Variants in EIF4EBP1 observed in about 807,000 individuals in gnomAD.
EIF4EBP1 encodes the protein eukaryotic translation initiation factor 4E binding protein 1.
EIF4EBP1 carries 5 observed loss-of-function variants against 9.2 expected under a neutral mutation model. The observed-to-expected ratio is 0.54, with a 90% CI of 0.28 to 1.14. EIF4EBP1 has a LOEUF of 1.14. EIF4EBP1 is among the 50% of genes most tolerant of loss of function. EIF4EBP1 has a pLI of 0.09. For synonymous variants in EIF4EBP1, 62 were observed against 67.0 expected, an observed-to-expected ratio of 0.93 and a Z score of 0.36; for missense variants, 139 against 169.6, an observed-to-expected ratio of 0.82 and a Z score of 1.00.
intron 1 of EIF4EBP1, among the ~76,000 whole-genome samples, chr8:38,037,474 C>T (rs1442735350): frequency 6.6e-6 from 1 of 152,082 alleles, no homozygotes; most frequent in Non-Finnish European, 1.5e-5. Flanking sequence ...CACCACCACA[C>T]CCAGCTAATT....
intron 1 of EIF4EBP1, among the ~76,000 whole-genome samples, chr8:38,045,300 T>C (rs1048301119): frequency 1.3e-5 from 2 of 152,110 alleles, no homozygotes; most frequent in Non-Finnish European, 2.9e-5. Flanking sequence ...TATTTGTACA[T>C]TAAGTACCTG....
chr8:38,059,581 G>A (rs915886909), intron 2 of EIF4EBP1, among the ~76,000 whole-genome samples: 5 of 151,762 alleles, frequency 3.3e-5, no homozygotes, highest in South Asian at 2.1e-4. Flanking sequence ...GCAAAACCCC[G>A]GGTCTACTAA....
chr8:38,045,090 ATG>A (rs1181754144), intron 1 of EIF4EBP1, among the ~76,000 whole-genome samples: 1 of 152,174 alleles, frequency 6.6e-6, no homozygotes, highest in Non-Finnish European at 1.5e-5. Context: ...AACAGCAATT[ATG>A]TGAGTGTCAC....
In EIF4EBP1 at chr8:38,037,358, C is replaced by A. The variant is rs572307737; in HGVS notation, c.145+6640C>A. ...TTGAGACTGAGTCTTGCTCTGTCGC[C>A]CAGGCTGGAGTGCAGTGGCATGATC... On this transcript the variant is annotated intron_variant, in intron 1 of 2. Transcript: ENST00000338825. Among the ~76,000 whole-genome samples, 5 of 152,112 alleles carry A rather than the reference C, an allele frequency of 3.3e-5. No homozygotes were observed. In the East Asian group the frequency reaches 9.7e-4, roughly 29 times the overall value.
At chr8:38,044,583 C>T (rs901380296) in intron 1 of EIF4EBP1, among the ~76,000 whole-genome samples, 6 of 152,134 alleles carry the variant, frequency 3.9e-5, no homozygotes, top group Non-Finnish European at 7.3e-5. Context: ...GGATCATAGG[C>T]GCACGCCATC....
chr8:38,030,610 C>T lies in EIF4EBP1; in HGVS notation c.37C>T (p.Arg13Trp), dbSNP rs990926340. The T allele has an allele frequency of 1.3e-5, 20 of 1,510,454 alleles. No homozygotes were observed. In the Admixed American group the frequency reaches 2.7e-4, roughly 20 times the overall value. 93.6% of individuals were successfully genotyped at this position (1,510,454 alleles called of 1,614,324 possible). Residue 13 changes from arginine to tryptophan, a missense_variant, in exon 1 of 3, where the codon CGG becomes TGG. Physicochemically the swap from Arg to Trp is moderately radical, Grantham distance 101. Transcript: ENST00000338825. ...CAGCAGCTGCAGCCAGACCCCAAGC[C>T]GGGCCATCCCCGCCACTCGCCGGGT... ...GGSSCSQTPS[R>W]AIPATRRVVL...
chr8:38,040,828 A>G (rs987424435), intron 1 of EIF4EBP1, among the ~76,000 whole-genome samples: 19 of 152,208 alleles, frequency 1.2e-4, no homozygotes, highest in African/African-American at 4.1e-4. Flanking sequence ...AGCAAGTCAC[A>G]GGGCCAGCCC....
At chr8:38,043,308 G>A (rs1163936546) in intron 1 of EIF4EBP1, among the ~76,000 whole-genome samples, 1 of 151,714 alleles carries the variant, frequency 6.6e-6, no homozygotes, top group African/African-American at 2.4e-5. Flanking sequence ...AATTAGCTCA[G>A]CTATTTTGTT....
At chr8:38,049,643 G>A (rs535309402) in intron 1 of EIF4EBP1, among the ~76,000 whole-genome samples, 20 of 151,802 alleles carry the variant, frequency 1.3e-4, no homozygotes, top group Admixed American at 2.6e-4. Context: ...CACCATGCCT[G>A]GCTAATTTTT....
intron 1 of EIF4EBP1, among the ~76,000 whole-genome samples, chr8:38,036,385 C>T (rs1235604688): frequency 3.9e-5 from 6 of 151,986 alleles, no homozygotes; most frequent in South Asian, 2.1e-4. Context: ...TGGTGGCAGG[C>T]GCCTGTAATC....
chr8:38,058,110 A>G (rs1809621909), intron 2 of EIF4EBP1, among the ~76,000 whole-genome samples: 1 of 152,282 alleles, frequency 6.6e-6, no homozygotes, highest in African/African-American at 2.4e-5. Context: ...ATTCATAATT[A>G]CCTTGGGAAC....
intron 2 of EIF4EBP1, among the ~76,000 whole-genome samples, chr8:38,057,602 A>G (rs1809616345): frequency 6.6e-6 from 1 of 152,204 alleles, no homozygotes. Context: ...AAGCATTTCC[A>G]CTTGGAACAC....
Position 38,043,519 on chromosome 8 carries a change from G to C in EIF4EBP1, c.145+12801G>C, listed in dbSNP as rs962287048. Among the ~76,000 whole-genome samples the C allele has an allele frequency of 5.3e-5, 8 of 151,890 alleles. No homozygotes were observed. In the East Asian group the frequency reaches 1.2e-3, roughly 22 times the overall value. Reference sequence around the variant, plus strand: ...AGCTGGGACCACCCGGCTAGTTTTTGTATTTTTAGTAGAGACAGAGTTTCA... The same window carrying C: ...AGCTGGGACCACCCGGCTAGTTTTTCTATTTTTAGTAGAGACAGAGTTTCA... On this transcript the variant is annotated intron_variant, in intron 1 of 2. Transcript: ENST00000338825.
At chr8:38,046,983 C>T (rs1277039417) in intron 1 of EIF4EBP1, among the ~76,000 whole-genome samples, 1 of 152,112 alleles carries the variant, frequency 6.6e-6, no homozygotes, top group African/African-American at 2.4e-5. Context: ...TCTGGGTTTC[C>T]CTGCTCTGCA....
intron 2 of EIF4EBP1, 77 bp downstream of exon 2, chr8:38,057,337 C>A: frequency 6.7e-7 from 1 of 1,489,980 alleles, no homozygotes; most frequent in Non-Finnish European, 9.0e-7. Context: ...CCACTGGGGG[C>A]AATTCCAGGG....
intron 1 of EIF4EBP1, among the ~76,000 whole-genome samples, chr8:38,039,367 A>C (rs985086237): frequency 7.3e-5 from 11 of 151,340 alleles, no homozygotes; most frequent in Admixed American, 4.6e-4. Context: ...GGGAAGGCTA[A>C]GCTATAATGT....
At chr8:38,052,405 C>T (rs935708029) in intron 1 of EIF4EBP1, among the ~76,000 whole-genome samples, 2 of 142,156 alleles carry the variant, frequency 1.4e-5, no homozygotes, top group South Asian at 2.1e-4. Flanking sequence ...GGACTCCAAG[C>T]GCATGCCACC....
Position 38,049,918 on chromosome 8 carries a change from C to CT in EIF4EBP1, c.146-7152dup, listed in dbSNP as rs33909903. Among the ~76,000 whole-genome samples, 122 of 145,498 alleles carry CT rather than the reference C, an allele frequency of 8.4e-4. 1 individual carries two copies. The East Asian group carries it at 0.013, about 16-fold the overall frequency. On this transcript the variant is annotated intron_variant, in intron 1 of 2. Coordinates refer to ENST00000338825, the MANE Select transcript of EIF4EBP1 (RefSeq NM_004095.4). Reference sequence around the variant, plus strand: ...CATCTCTTTGTCCTTTTTCTTTTTTCTTTTTTTTTTTGAGATGGAATGTTT... The same window carrying CT: ...CATCTCTTTGTCCTTTTTCTTTTTTCTTTTTTTTTTTTGAGATGGAATGTTT...
chr8:38,030,843 C>G (rs1809206672), intron 1 of EIF4EBP1, 125 bp downstream of exon 1: 1 of 1,314,058 alleles, frequency 7.6e-7, no homozygotes, highest in Admixed American at 3.9e-5. Context: ...AAAGGGGCAT[C>G]GGAGAGACAG....
Sources: allele counts gnomAD v4.1 joint callset (sites outside exome capture counted in the v4.1 genomes callset), GRCh38; gene constraint gnomAD v4.1.1; transcripts MANE v1.5; gene names NCBI Gene and HGNC (gene_info 2026-07-23, HGNC 2026-07-21).